The following PRKG1 variants were observed in gnomAD, a reference collection of about 807,000 sequenced individuals.
PRKG1 encodes cGMP-dependent protein kinase 1.
PRKG1 carries 35 observed loss-of-function variants against 88.1 expected under a neutral mutation model. The observed-to-expected ratio is 0.40, with a 90% CI of 0.30 to 0.53. The LOEUF (loss-of-function observed/expected upper bound fraction) is 0.53. Ranked by LOEUF, PRKG1 falls within the 20% of genes least tolerant of loss-of-function variation. The probability of loss-of-function intolerance (pLI) is 0.59; values close to 1 mark genes in which losing one functional copy is unlikely to be tolerated. For synonymous variants in PRKG1, 303 were observed against 292.5 expected (o/e 1.04, Z -0.37); for missense variants, 540 against 839.8 (o/e 0.64, Z 4.41).
intron 1 of PRKG1, among the ~76,000 whole-genome samples, chr10:51,037,470 A>G (rs916180336): frequency 7.2e-5 from 11 of 151,970 alleles, no homozygotes; most frequent in African/African-American, 2.7e-4. Context: ...CTAAAAAAAC[A>G]AAAAACAAAC....
chr10:51,718,502 C>T (rs1048549072), intron 3 of PRKG1, among the ~76,000 whole-genome samples: 5 of 152,086 alleles, frequency 3.3e-5, no homozygotes, highest in Admixed American at 3.3e-4. Flanking sequence ...CTTAGATTTT[C>T]TTCTAAAGGG....
chr10:51,119,263 T>C (rs1245526204), intron 1 of PRKG1, among the ~76,000 whole-genome samples: 2 of 152,040 alleles, frequency 1.3e-5, no homozygotes, highest in Non-Finnish European at 2.9e-5. Context: ...CAATGGAAAA[T>C]AAAAGGAAAT....
Position 51,500,858 on chromosome 10 carries a change from A to G in PRKG1, c.592+33022A>G, listed in dbSNP as rs553876856. 2.6e-5 allele frequency among the ~76,000 whole-genome samples: 4 copies of G among 152,284 alleles called. No individual in the cohort carries two copies. The East Asian group carries it at 7.7e-4, about 29-fold the overall frequency. ...CAATTTGGTTCTTAAAGTGACACAC[A>G]AGGATGAAAACAATTGGAGCTGCAT... is the stretch of plus-strand genomic sequence containing the variant. On this transcript the variant is annotated intron_variant, in intron 3 of 17. Transcript: ENST00000373980.
At chr10:52,255,732 G>A (rs1035859568) in intron 10 of PRKG1, among the ~76,000 whole-genome samples, 19 of 152,106 alleles carry the variant, frequency 1.2e-4, no homozygotes, top group African/African-American at 4.6e-4. Flanking sequence ...GGAACAAGAC[G>A]TCTTGCAGGA....
chr10:52,132,869 G>C (rs1837304044), intron 7 of PRKG1, among the ~76,000 whole-genome samples: 1 of 152,016 alleles, frequency 6.6e-6, no homozygotes, highest in African/African-American at 2.4e-5. Context: ...GAGATGTTTT[G>C]ATACAGGCAT....
intron 2 of PRKG1, among the ~76,000 whole-genome samples, chr10:51,438,670 G>A (rs562366061): frequency 6.6e-6 from 1 of 152,030 alleles, no homozygotes; most frequent in East Asian, 1.9e-4. Context: ...TGGTGATACT[G>A]ACTTTGATCA....
intron 1 of PRKG1, among the ~76,000 whole-genome samples, chr10:51,122,753 G>T (rs1467372397): frequency 1.3e-5 from 2 of 152,110 alleles, no homozygotes; most frequent in Admixed American, 6.6e-5. Context: ...ACGCCATGTT[G>T]TTCTCCCGTT....
At position 52,296,788 on chromosome 10, in the gene PRKG1, G is replaced by T. The variant is rs1433014584; in HGVS notation, c.*2888G>T. 3 of 151,980 alleles carry T rather than the reference G, an allele frequency of 2.0e-5. No homozygotes were observed. Among genetic ancestry groups the T allele is most frequent in the African/African-American group, 7.2e-5 (3 of 41,404 alleles). The allele number at this position is 151,980 out of a possible 1,614,324, so 9.4% of individuals were successfully genotyped here. On this transcript the variant is annotated 3_prime_UTR_variant, in exon 18 of 18. Coordinates refer to ENST00000373980, the MANE Select transcript of PRKG1 (RefSeq NM_006258.4). Reference sequence around the variant, plus strand: ...TTGAAAAAATAATTTCTGGAAAAACGCTATACATGCTTTTTATGTTTATAT... The same window carrying T: ...TTGAAAAAATAATTTCTGGAAAAACTCTATACATGCTTTTTATGTTTATAT...
chr10:51,807,878 G>C (rs1839347633), intron 4 of PRKG1, among the ~76,000 whole-genome samples: 1 of 152,148 alleles, frequency 6.6e-6, no homozygotes, highest in South Asian at 2.1e-4. Flanking sequence ...GCTTGCCTCA[G>C]GGGAGAATGA....
intron 5 of PRKG1, among the ~76,000 whole-genome samples, chr10:52,012,209 G>GTT (rs146679245): frequency 6.9e-6 from 1 of 144,912 alleles, no homozygotes; most frequent in Admixed American, 6.8e-5. Context: ...GCACAGTTTT[G>GTT]TTTTTTTCCA....
At chr10:51,976,027 T>C (rs1386098326) in intron 5 of PRKG1, among the ~76,000 whole-genome samples, 2 of 152,042 alleles carry the variant, frequency 1.3e-5, no homozygotes, top group African/African-American at 4.8e-5. Flanking sequence ...TTAAACATCA[T>C]TAGTCATTAG....
At chr10:51,792,277 A>G (rs1838887718) in intron 3 of PRKG1, among the ~76,000 whole-genome samples, 2 of 152,080 alleles carry the variant, frequency 1.3e-5, no homozygotes, top group South Asian at 2.1e-4. Context: ...TCCCGTGTTT[A>G]TAACCGATTT....
intron 1 of PRKG1, among the ~76,000 whole-genome samples, chr10:51,100,715 AG>A (rs1266284540): frequency 6.6e-6 from 1 of 152,220 alleles, no homozygotes; most frequent in African/African-American, 2.4e-5. Context: ...TAACTGATGG[AG>A]GAAGTGGTGA....
At chr10:51,089,138 T>G (rs1181557246) in intron 1 of PRKG1, among the ~76,000 whole-genome samples, 1 of 152,202 alleles carries the variant, frequency 6.6e-6, no homozygotes, top group Non-Finnish European at 1.5e-5. Context: ...CTTTCTAGTT[T>G]GAATAATCTG....
At chr10:51,782,437 C>T (rs143355676) in intron 3 of PRKG1, among the ~76,000 whole-genome samples, 10 of 152,230 alleles carry the variant, frequency 6.6e-5, no homozygotes, top group Admixed American at 1.3e-4. Context: ...ATCTTCATAT[C>T]ATACGAGGCA....
chr10:51,228,569 G>A (rs1222925367), intron 2 of PRKG1, among the ~76,000 whole-genome samples: 1 of 152,032 alleles, frequency 6.6e-6, no homozygotes, highest in African/African-American at 2.4e-5. Flanking sequence ...ATTGCTTTTT[G>A]TTGTCTTCCT....
chr10:51,758,202 C>G (rs1002812167), intron 3 of PRKG1, among the ~76,000 whole-genome samples: 5 of 152,174 alleles, frequency 3.3e-5, no homozygotes, highest in Non-Finnish European at 7.3e-5. Flanking sequence ...CAGTCTATTA[C>G]TGCAGTTATT....
Position 52,206,218 on chromosome 10 carries a change from G to A in PRKG1, c.1076+44255G>A, listed in dbSNP as rs564326389. ...TATTCTGCTGTTAATATTTGTTATC[G>A]CATTATGAAATTCCTGTAGTGTGTC... is the stretch of plus-strand genomic sequence containing the variant. On this transcript the variant is annotated intron_variant, in intron 9 of 17. Transcript: ENST00000373980. Among the ~76,000 whole-genome samples the A allele has an allele frequency of 1.1e-4, 17 of 151,828 alleles. No individual in the cohort carries two copies. In the East Asian group the frequency reaches 1.7e-3, roughly 16 times the overall value.
chr10:51,601,225 T>C (rs1838590299), intron 3 of PRKG1, among the ~76,000 whole-genome samples: 1 of 152,156 alleles, frequency 6.6e-6, no homozygotes, highest in Non-Finnish European at 1.5e-5. Context: ...TGGGACAGAT[T>C]AGCTACTCCC....
Sources: gnomAD v4.1 joint callset for allele counts (sites outside exome capture counted in the v4.1 genomes callset) on GRCh38, gnomAD v4.1.1 for gene constraint, MANE v1.5 for transcripts, NCBI Gene and HGNC (gene_info 2026-07-23, HGNC 2026-07-21) for gene names.